The following WDR25 variants were observed in gnomAD, a reference collection of about 807,000 sequenced individuals.
WDR25 encodes the protein WD repeat-containing protein 25.
Under a neutral mutation model 47.7 loss-of-function variants are expected in WDR25, and 35 were observed. The observed-to-expected ratio is 0.73, with a 90% confidence interval of 0.56 to 0.97. The LOEUF is 0.97. Among genes scored for constraint, WDR25 ranks in the 50% least tolerant of loss-of-function variants. WDR25 has a pLI of 0.00. For synonymous variants in WDR25, 248 were observed against 278.9 expected (o/e 0.89, Z 1.10); for missense variants, 634 against 704.7 (o/e 0.90, Z 1.14).
At chr14:100,519,076 G>A (rs1212213649) in intron 4 of WDR25, among the ~76,000 whole-genome samples, 1 of 152,072 alleles carries the variant, frequency 6.6e-6, no homozygotes, top group Non-Finnish European at 1.5e-5. Context: ...CAGTCTTTGG[G>A]TCAACAGCAG....
At chr14:100,396,510 G>A (rs774333922) in intron 2 of WDR25, among the ~76,000 whole-genome samples, 28 of 152,206 alleles carry the variant, frequency 1.8e-4, no homozygotes, top group East Asian at 5.8e-4. Context: ...GGTGCCTTGC[G>A]TCTTGTTCTG....
chr14:100,490,757 A>G (rs886556790), intron 4 of WDR25, among the ~76,000 whole-genome samples: 3 of 152,240 alleles, frequency 2.0e-5, no homozygotes, highest in African/African-American at 7.2e-5. Flanking sequence ...GATGGTGGCC[A>G]TCTGAGAGAT....
At chr14:100,524,561 A>T (rs1161829382) in intron 4 of WDR25, among the ~76,000 whole-genome samples, 1 of 151,962 alleles carries the variant, frequency 6.6e-6, no homozygotes, top group Non-Finnish European at 1.5e-5. Context: ...CCACCCCTGG[A>T]TCATTCTTTA....
intron 4 of WDR25, among the ~76,000 whole-genome samples, chr14:100,489,946 A>C (rs770099408): frequency 2.6e-5 from 4 of 152,210 alleles, no homozygotes; most frequent in Non-Finnish European, 5.9e-5. Context: ...ACTAATCGTC[A>C]ATATTTCATG....
intron 4 of WDR25, among the ~76,000 whole-genome samples, chr14:100,519,838 A>G (rs111206869): frequency 0.017 from 2,284 of 134,768 alleles, 71 homozygotes; most frequent in African/African-American, 0.058. Context: ...TATATAGTAT[A>G]TATACTATAT....
chr14:100,413,444 C>T (rs1014700423), intron 2 of WDR25, among the ~76,000 whole-genome samples: 6 of 149,688 alleles, frequency 4.0e-5, no homozygotes, highest in Admixed American at 1.3e-4. Context: ...GACGGAGTCT[C>T]GCTCTGTCGC....
intron 2 of WDR25, among the ~76,000 whole-genome samples, chr14:100,415,654 C>T (rs1897848033): frequency 6.6e-6 from 1 of 152,196 alleles, no homozygotes. Flanking sequence ...AATGTCAGGA[C>T]TCCTCTCTGT....
intron 4 of WDR25, among the ~76,000 whole-genome samples, chr14:100,503,513 G>A (rs1179632297): frequency 6.6e-6 from 1 of 152,202 alleles, no homozygotes; most frequent in African/African-American, 2.4e-5. Context: ...ACTTTGATAA[G>A]CTGGATCTCA....
intron 1 of WDR25, among the ~76,000 whole-genome samples, chr14:100,379,136 T>A (rs1212824596): frequency 6.6e-6 from 1 of 152,202 alleles, no homozygotes; most frequent in African/African-American, 2.4e-5. Flanking sequence ...TTCATGATGA[T>A]GAGCATATGT....
At position 100,523,378 on chromosome 14, in the gene WDR25, C is replaced by A. The variant is rs1372390743; in HGVS notation, c.1102-2492C>A. Among the ~76,000 whole-genome samples the A allele has an allele frequency of 6.6e-6, 1 of 152,162 alleles. No homozygotes were observed. The highest frequency in any genetic ancestry group is 1.5e-5 in the Non-Finnish European group (1 of 68,024). ...AGCCCAGAGCAGTGCCTCCCCACCC[C>A]CTGTCCTTCAGGTCTGGGTGCAGAG... On this transcript the variant is annotated intron_variant, in intron 4 of 6. Coordinates refer to ENST00000402312, the MANE Select transcript of WDR25 (RefSeq NM_001161476.3). The surrounding 1 kb of genome is among the most constrained non-coding windows in gnomAD (Gnocchi z 4.7).
intron 2 of WDR25, among the ~76,000 whole-genome samples, chr14:100,445,802 G>C (rs1898813523): frequency 6.6e-6 from 1 of 152,226 alleles, no homozygotes; most frequent in South Asian, 2.1e-4. Context: ...AGGCTAGAAA[G>C]AACCTTTGTT....
chr14:100,426,667 C>A (rs1219808738), intron 2 of WDR25, among the ~76,000 whole-genome samples: 1 of 152,218 alleles, frequency 6.6e-6, no homozygotes, highest in Non-Finnish European at 1.5e-5. Flanking sequence ...GTTGGAGCCT[C>A]TGGAGCAAGT....
chr14:100,491,970 G>A (rs575345972), intron 4 of WDR25, among the ~76,000 whole-genome samples: 2 of 152,310 alleles, frequency 1.3e-5, no homozygotes, highest in Admixed American at 6.5e-5. Context: ...AGCCATTGAC[G>A]GGATTGGATC....
intron 4 of WDR25, among the ~76,000 whole-genome samples, chr14:100,493,107 C>T (rs1428931443): frequency 6.6e-6 from 1 of 152,316 alleles, no homozygotes; most frequent in South Asian, 2.1e-4. Context: ...CACATTGGGC[C>T]TAAAGTAAAT....
intron 2 of WDR25, among the ~76,000 whole-genome samples, chr14:100,413,731 G>A (rs1460479202): frequency 6.6e-6 from 1 of 152,004 alleles, no homozygotes; most frequent in Non-Finnish European, 1.5e-5. Flanking sequence ...ACTTTGAATG[G>A]CAAAAACCGC....
At chr14:100,452,231 G>A (rs563938870) in intron 2 of WDR25, among the ~76,000 whole-genome samples, 12 of 151,822 alleles carry the variant, frequency 7.9e-5, no homozygotes, top group South Asian at 2.1e-4. Context: ...TATCTATGCC[G>A]TCACTCACTC....
intron 4 of WDR25, among the ~76,000 whole-genome samples, chr14:100,496,828 C>CTTTTTTTTTTTTTTTTTTTT (rs1226765543): frequency 1.4e-4 from 10 of 73,422 alleles, no homozygotes; most frequent in East Asian, 5.1e-4. Context: ...TTCTTTAATT[C>CTTTTTTTTTTTTTTTTTTTT]TTTTTTTTTT....
rs1001645999 is a variant in WDR25 at position 100,498,053 on chromosome 14, T to G, written c.1101+13929T>G. 6.6e-6 allele frequency among the ~76,000 whole-genome samples: 1 copy of G among 152,192 alleles called. No individual in the cohort carries two copies. Among genetic ancestry groups the G allele is most frequent in the Non-Finnish European group, 1.5e-5 (1 of 68,038 alleles). On this transcript the variant is annotated intron_variant, in intron 4 of 6. Transcript: ENST00000402312. The surrounding 1 kb of genome is among the most constrained non-coding windows in gnomAD (Gnocchi z 4.2). ...GACCTGCAGTATAACTCTGCAAAGATTGTATGACTTTAGGAAAGTTTGTGC... is the reference window on the plus strand; with the variant it reads ...GACCTGCAGTATAACTCTGCAAAGAGTGTATGACTTTAGGAAAGTTTGTGC...
At chr14:100,482,588 G>A (rs1314876420) in intron 3 of WDR25, among the ~76,000 whole-genome samples, 2 of 152,024 alleles carry the variant, frequency 1.3e-5, no homozygotes, top group East Asian at 1.9e-4. Context: ...AGGCAGATTG[G>A]GTCTGTGAAA....
Sources: gnomAD v4.1 joint callset for allele counts (sites outside exome capture counted in the v4.1 genomes callset) on GRCh38, gnomAD v4.1.1 for gene constraint, Gnocchi (gnomAD v3.1) non-coding constraint, MANE v1.5 for transcripts, NCBI Gene and HGNC (gene_info 2026-07-23, HGNC 2026-07-21) for gene names.